Variants in FBP2 observed in about 807,000 individuals in gnomAD.
FBP2 encodes the protein fructose-bisphosphatase 2.
In FBP2, 27 loss-of-function variants were observed where a neutral mutation model predicts 31.6. The ratio of observed to expected loss-of-function variants is 0.85; its 90% CI spans 0.63 to 1.18. FBP2 has a LOEUF of 1.18. Among genes scored for constraint, FBP2 ranks in the 50% most tolerant of loss-of-function variants. FBP2 has a pLI of 0.00. For synonymous variants in FBP2, 168 were observed against 179.8 expected, an observed-to-expected ratio of 0.93 and a Z score of 0.53; for missense variants, 421 against 436.1, an observed-to-expected ratio of 0.97 and a Z score of 0.31.
intron 3 of FBP2, among the ~76,000 whole-genome samples, chr9:94,582,047 C>G (rs1248357557): frequency 6.6e-6 from 1 of 152,214 alleles, no homozygotes; most frequent in Admixed American, 6.5e-5. Context: ...GACTAACTCA[C>G]CCCCAGGCTC....
chr9:94,586,288 T>C (rs947154290), intron 2 of FBP2, among the ~76,000 whole-genome samples: 2 of 152,068 alleles, frequency 1.3e-5, no homozygotes, highest in African/African-American at 4.8e-5. Context: ...GGCGGGAGAA[T>C]TGCTTGAACC....
At position 94,584,640 on chromosome 9, in the gene FBP2, C is replaced by G. The variant is rs755290163; in HGVS notation, c.363G>C (p.Leu121=). 2 of 1,613,716 alleles carry G rather than the reference C, an allele frequency of 1.2e-6. No homozygotes were observed. The highest frequency in any genetic ancestry group is 3.3e-5 in the Admixed American group (2 of 60,020). ...RGKYVVCFDP[L]DGSSNIDCLA... is the part of the protein sequence containing the mutation. Reference sequence around the variant, plus strand: ...GGCAGTCAATATTGGAAGATCCATCCAGTGGGTCAAAGCAGACCACGTATT... The same window carrying G: ...GGCAGTCAATATTGGAAGATCCATCGAGTGGGTCAAAGCAGACCACGTATT... The change falls in exon 3 of 7, where the codon CTG becomes CTC. Residue 121 remains leucine, a synonymous_variant. Transcript: ENST00000375337.
rs1276678366 is a variant in FBP2 at position 94,567,818 on chromosome 9, A to G, written c.568-411T>C. Reference sequence around the variant, plus strand: ...AAGAAGTTACATTGTCGTATGAGGGATGCATTTTAACCATTAATTTGTGGT... The same window carrying G: ...AAGAAGTTACATTGTCGTATGAGGGGTGCATTTTAACCATTAATTTGTGGT... On this transcript the variant is annotated intron_variant, in intron 4 of 6. Coordinates refer to ENST00000375337, the MANE Select transcript of FBP2 (RefSeq NM_003837.4). 6 of 170,192 alleles carry G rather than the reference A, an allele frequency of 3.5e-5. No homozygotes were observed. In the East Asian group the frequency reaches 9.0e-4, roughly 26 times the overall value. The allele number at this position is 170,192 out of a possible 1,614,324, so 10.5% of individuals were successfully genotyped here.
At chr9:94,566,632 C>T (rs972488336) in intron 5 of FBP2, among the ~76,000 whole-genome samples, 15 of 152,210 alleles carry the variant, frequency 9.9e-5, no homozygotes, top group Non-Finnish European at 1.8e-4. Context: ...GTGTGTGTGT[C>T]TTTAATTCCT....
At chr9:94,593,522 T>A (rs755946534) in intron 1 of FBP2, 35 bp downstream of exon 1, 21 of 1,589,036 alleles carry the variant, frequency 1.3e-5, no homozygotes, top group Non-Finnish European at 1.5e-5. Context: ...GGGCCTGGGG[T>A]GCTCTGTGCC....
intron 1 of FBP2, among the ~76,000 whole-genome samples, chr9:94,590,947 G>A (rs1827491967): frequency 1.3e-5 from 2 of 152,204 alleles, no homozygotes; most frequent in South Asian, 4.1e-4. Flanking sequence ...AGAGCAGCTA[G>A]ATACAGAGTG....
intron 6 of FBP2, among the ~76,000 whole-genome samples, chr9:94,562,920 G>A (rs767189774): frequency 2.0e-5 from 3 of 152,158 alleles, no homozygotes; most frequent in Non-Finnish European, 2.9e-5. Flanking sequence ...CTCCCTCAAC[G>A]TGTAATTTGT....
Position 94,559,067 on chromosome 9 carries a change from G to A in FBP2, c.891C>T (p.Thr297=). 6.2e-7 allele frequency: 1 copy of A among 1,614,112 alleles called. No homozygotes were observed. The highest frequency in any genetic ancestry group is 8.5e-7 in the Non-Finnish European group (1 of 1,180,018). ...YIIEQAGGLA[T]TGTQPVLDVK... ...CGTCCAGTACAGGCTGGGTCCCCGT[G>A]GTCGCCAAGCCTCCTGCCTGCTCAA... Residue 297 remains threonine (T), a synonymous_variant, in exon 7 of 7, where the codon ACC becomes ACT. Coordinates refer to ENST00000375337, the MANE Select transcript of FBP2 (RefSeq NM_003837.4).
In FBP2 at chr9:94,563,469, A is replaced by T. The variant is rs1455883291; in HGVS notation, c.706-8T>A. On this transcript the variant is annotated splice_region_variant and splice_polypyrimidine_tract_variant and intron_variant, in intron 5 of 6. Coordinates refer to ENST00000375337, the MANE Select transcript of FBP2 (RefSeq NM_003837.4). ...ATAGGGAGCACTGCCATCCTAGAAG[A>T]CAGAAAGCGAAGAGACAAGATCCAG... is the stretch of plus-strand genomic sequence containing the variant. 1 of 1,611,866 alleles carries T rather than the reference A, an allele frequency of 6.2e-7. No homozygotes were observed. The highest frequency in any genetic ancestry group is 2.2e-5 in the East Asian group (1 of 44,806).
chr9:94,570,074 A>G (rs942735202), intron 4 of FBP2: 18 of 152,196 alleles, frequency 1.2e-4, no homozygotes, highest in African/African-American at 4.3e-4. Context: ...GAAAGATGCT[A>G]TGGTTCATCT....
At chr9:94,589,536 T>G (rs1026359308) in intron 1 of FBP2, among the ~76,000 whole-genome samples, 1 of 152,234 alleles carries the variant, frequency 6.6e-6, no homozygotes, top group African/African-American at 2.4e-5. Context: ...CCATGCTCCA[T>G]GTCTGCTCAC....
rs965281795 is a variant in FBP2, at chr9:94,593,693, G to A, written c.34C>T (p.Leu12Phe). The change falls in exon 1 of 7, where the codon CTC (leucine) becomes TTC (phenylalanine). Residue 12 changes from leucine (L) to phenylalanine (F), a missense_variant. Leu to Phe is a conservative substitution (Grantham distance 22, BLOSUM62 0). Coordinates refer to ENST00000375337, the MANE Select transcript of FBP2 (RefSeq NM_003837.4). ...TCCATAACGTAGCGGGTCAGGGTGA[G>A]CATGTCGGTTTCGAAGGGGCTTCTG... ...TDRSPFETDM[L>F]TLTRYVMEKG... 2.5e-6 allele frequency: 4 copies of A among 1,614,208 alleles called. No individual in the cohort carries two copies. The highest frequency in any genetic ancestry group is 3.4e-6 in the Non-Finnish European group (4 of 1,180,020).
intron 4 of FBP2, chr9:94,570,417 G>A (rs1020566887): frequency 6.6e-6 from 1 of 152,166 alleles, no homozygotes; most frequent in African/African-American, 2.4e-5. Flanking sequence ...ATCTGAAAAT[G>A]GGAATAATTG....
chr9:94,568,020 CGGG>C (rs1162882893), intron 4 of FBP2: 1 of 151,208 alleles, frequency 6.6e-6, no homozygotes, highest in Non-Finnish European at 1.5e-5. Flanking sequence ...CCCAGCTACT[CGGG>C]GGGCTGAGGC....
intron 1 of FBP2, among the ~76,000 whole-genome samples, chr9:94,590,650 A>G (rs1384286991): frequency 6.6e-6 from 1 of 152,184 alleles, no homozygotes; most frequent in Non-Finnish European, 1.5e-5. Flanking sequence ...ACAGATCATA[A>G]AAGCAGCGTG....
chr9:94,561,644 C>T (rs961292485), intron 6 of FBP2, among the ~76,000 whole-genome samples: 28 of 152,180 alleles, frequency 1.8e-4, no homozygotes, highest in South Asian at 4.2e-4. Context: ...GGATTACAGG[C>T]GTGAGCCACC....
At chr9:94,570,109 TCTGGTGCCCACCTATGTCCAGA>T (rs1004744219) in intron 4 of FBP2, 1 of 152,234 alleles carries the variant, frequency 6.6e-6, no homozygotes, top group African/African-American at 2.4e-5. Flanking sequence ...GTTGACAAGC[TCTGGTGCCCACCTATGTCCAGA>T]CTGGGCCCTG....
At chr9:94,573,035 C>T (rs750471477) in intron 3 of FBP2, 3 of 152,142 alleles carry the variant, frequency 2.0e-5, no homozygotes, top group Non-Finnish European at 4.4e-5. Flanking sequence ...AGTGTTATTA[C>T]CTGCTTTCCA....
At chr9:94,582,610 C>T (rs1450516882) in intron 3 of FBP2, among the ~76,000 whole-genome samples, 3 of 149,458 alleles carry the variant, frequency 2.0e-5, no homozygotes, top group Middle Eastern at 3.5e-3. Flanking sequence ...TGCAGTGGCG[C>T]GATCTTGGCT....
Sources: allele counts gnomAD v4.1 joint callset (sites outside exome capture counted in the v4.1 genomes callset), GRCh38; gene constraint gnomAD v4.1.1; transcripts MANE v1.5; gene names NCBI Gene and HGNC (gene_info 2026-07-23, HGNC 2026-07-21).